The following DPP10 variants were observed in gnomAD, a reference collection of about 807,000 sequenced individuals.
DPP10 encodes inactive dipeptidyl peptidase 10.
A neutral mutation model predicts 120.9 loss-of-function variants in DPP10; 33 were observed. The observed-to-expected ratio is 0.27, with a 90% CI of 0.21 to 0.37. The LOEUF is 0.37. Among genes scored for constraint, DPP10 ranks in the 10% least tolerant of loss-of-function variants. The pLI, the probability that DPP10 is intolerant of heterozygous loss-of-function variation, is 1.00. For missense variants in DPP10, 816 were observed against 942.8 expected, an observed-to-expected ratio of 0.87 and a Z score of 1.76; for synonymous variants, 337 against 326.1, an observed-to-expected ratio of 1.03 and a Z score of -0.36.
At chr2:115,810,315 C>T (rs1372705280) in intron 19 of DPP10, among the ~76,000 whole-genome samples, 2 of 152,056 alleles carry the variant, frequency 1.3e-5, no homozygotes, top group Non-Finnish European at 2.9e-5. Context: ...AGGACTAAAA[C>T]CTTAGTCTTC....
At chr2:115,566,224 G>C (rs958390132) in intron 5 of DPP10, among the ~76,000 whole-genome samples, 2 of 152,006 alleles carry the variant, frequency 1.3e-5, no homozygotes, top group Admixed American at 6.6e-5. Context: ...GGGATAGTGT[G>C]ATTTTGTCAT....
intron 1 of DPP10, among the ~76,000 whole-genome samples, chr2:114,916,071 G>T (rs894379927): frequency 6.6e-6 from 1 of 151,840 alleles, no homozygotes; most frequent in South Asian, 2.1e-4. Context: ...AAATAAGAAA[G>T]ACAATTAGCT....
chr2:115,401,025 A>G (rs1010100852), intron 3 of DPP10, among the ~76,000 whole-genome samples: 5 of 152,190 alleles, frequency 3.3e-5, no homozygotes, highest in East Asian at 1.9e-4. Flanking sequence ...TGGGGGAGCA[A>G]TGGACCAGCA....
At chr2:115,079,151 C>T (rs906441232) in intron 1 of DPP10, among the ~76,000 whole-genome samples, 8 of 152,100 alleles carry the variant, frequency 5.3e-5, no homozygotes, top group African/African-American at 1.7e-4. Flanking sequence ...GGCGCTGAGG[C>T]GGGTGGATCG....
intron 12 of DPP10, among the ~76,000 whole-genome samples, chr2:115,764,190 G>A (rs1356332346): frequency 6.6e-6 from 1 of 151,478 alleles, no homozygotes; most frequent in Middle Eastern, 3.2e-3. Flanking sequence ...TAAACCAAAC[G>A]CCTAGTATAG....
chr2:114,628,396 A>G (rs1008689933), intron 1 of DPP10, among the ~76,000 whole-genome samples: 1 of 152,318 alleles, frequency 6.6e-6, no homozygotes, highest in South Asian at 2.1e-4. Flanking sequence ...ATTTAAATGG[A>G]TAGAATCCTA....
chr2:115,771,444 T>A (rs368081463), intron 13 of DPP10, among the ~76,000 whole-genome samples: 2 of 152,164 alleles, frequency 1.3e-5, no homozygotes, highest in Admixed American at 6.6e-5. Context: ...TTAGAAATGA[T>A]TCAGAGTTAA....
chr2:114,731,773 A>G (rs946523377), intron 1 of DPP10, among the ~76,000 whole-genome samples: 1 of 152,150 alleles, frequency 6.6e-6, no homozygotes, highest in African/African-American at 2.4e-5. Context: ...ATGAGCACCA[A>G]TGAGAAGGTT....
Position 114,540,919 on chromosome 2 carries a change from G to A in DPP10, c.60+98081G>A, listed in dbSNP as rs148555735. Among the ~76,000 whole-genome samples, 8 of 152,158 alleles carry A rather than the reference G, an allele frequency of 5.3e-5. No individual in the cohort carries two copies. The East Asian group carries it at 7.7e-4, about 15-fold the overall frequency. ...GTGAACTGCCTTCAGAAATATACTC[G>A]TAAAACTTACACAGACTCTCATTAG... On this transcript the variant is annotated intron_variant, in intron 1 of 25. Transcript: ENST00000410059.
At chr2:114,655,120 G>A (rs1360759981) in intron 1 of DPP10, among the ~76,000 whole-genome samples, 1 of 152,108 alleles carries the variant, frequency 6.6e-6, no homozygotes, top group Non-Finnish European at 1.5e-5. Context: ...ATAAGACAAT[G>A]GATAACAACG....
In DPP10 at chr2:114,920,503, T is replaced by G. The variant is rs10176265; in HGVS notation, c.61-388736T>G. ...TTCTAATCTTTCAGACCTCTTCAGT[T>G]TAATTAACTAGTGGAGGAGTCACTG... On this transcript the variant is annotated intron_variant, in intron 1 of 25. Transcript: ENST00000410059. 9.9e-3 allele frequency among the ~76,000 whole-genome samples: 1,502 copies of G among 152,326 alleles called. 20 individuals carry two copies. The highest frequency in any genetic ancestry group is 0.035 in the African/African-American group (1,448 of 41,576).
At chr2:115,144,929 C>T (rs1290282079) in intron 1 of DPP10, 7 of 152,106 alleles carry the variant, frequency 4.6e-5, no homozygotes, top group African/African-American at 1.7e-4. Flanking sequence ...CTCGCCAGTG[C>T]CTTCAGGTGG....
At chr2:115,593,295 G>A (rs76691335) in intron 5 of DPP10, among the ~76,000 whole-genome samples, 12,554 of 152,144 alleles carry the variant, frequency 0.083, 535 homozygotes, top group South Asian at 0.12. Context: ...TGCATGGCAC[G>A]GTGCCTCTAT....
chr2:114,494,518 T>C (rs1682331279), intron 1 of DPP10, among the ~76,000 whole-genome samples: 1 of 152,180 alleles, frequency 6.6e-6, no homozygotes. Flanking sequence ...AAGATAATCG[T>C]GTCACTTTCT....
chr2:115,449,051 G>A (rs187977246), intron 3 of DPP10, among the ~76,000 whole-genome samples: 3 of 152,098 alleles, frequency 2.0e-5, no homozygotes, highest in Admixed American at 1.3e-4. Flanking sequence ...ATTTTGAAGG[G>A]ATTTTCATAT....
At chr2:114,743,320 T>C (rs1429067785) in intron 1 of DPP10, among the ~76,000 whole-genome samples, 1 of 152,086 alleles carries the variant, frequency 6.6e-6, no homozygotes, top group Non-Finnish European at 1.5e-5. Context: ...GGCAATATCA[T>C]GTTGTGAGTT....
chr2:115,218,696 T>C (rs1341233845), intron 1 of DPP10, among the ~76,000 whole-genome samples: 3 of 152,110 alleles, frequency 2.0e-5, no homozygotes, highest in Non-Finnish European at 4.4e-5. Context: ...TATAGAGTAG[T>C]GTATACTGGA....
chr2:115,559,014 C>T (rs556157185), intron 5 of DPP10, among the ~76,000 whole-genome samples: 2 of 152,282 alleles, frequency 1.3e-5, no homozygotes, highest in South Asian at 4.1e-4. Context: ...GGGCATTTCC[C>T]AGATATGATA....
intron 5 of DPP10, among the ~76,000 whole-genome samples, chr2:115,629,061 C>A (rs1426113211): frequency 6.6e-6 from 1 of 152,000 alleles, no homozygotes; most frequent in Admixed American, 6.6e-5. Context: ...TGAGAACATG[C>A]GGTGTTTGGT....
Sources: allele counts gnomAD v4.1 joint callset (sites outside exome capture counted in the v4.1 genomes callset), GRCh38; gene constraint gnomAD v4.1.1; transcripts MANE v1.5; gene names NCBI Gene and HGNC (gene_info 2026-07-23, HGNC 2026-07-21).